The following DNAH8 variants were observed in gnomAD, a reference collection of about 807,000 sequenced individuals.
DNAH8 encodes the protein dynein axonemal heavy chain 8, also known as axonemal beta dynein heavy chain 8.
A neutral mutation model predicts 562.1 loss-of-function variants in DNAH8; 382 were observed. The observed-to-expected ratio is 0.68, with a 90% CI of 0.63 to 0.74. The LOEUF (loss-of-function observed/expected upper bound fraction) is 0.74. Ranked by LOEUF, DNAH8 falls within the 30% of genes least tolerant of loss-of-function variation. DNAH8 has a pLI of 0.00. For missense variants in DNAH8, 5,203 were observed against 5,620.4 expected (o/e 0.93, Z 2.37); for synonymous variants, 1,881 against 1,919.4 (o/e 0.98, Z 0.52).
At position 38,935,624 on chromosome 6, in the gene DNAH8, G is replaced by A. The variant is rs375619692; in HGVS notation, c.11490G>A (p.Glu3830=). 8.6e-5 allele frequency: 138 copies of A among 1,613,012 alleles called. 2 individuals carry two copies. In the East Asian group the frequency reaches 2.1e-3, roughly 25 times the overall value. Residue 3830 remains glutamate, a synonymous_variant, in exon 77 of 93, where the codon GAG becomes GAA. Coordinates refer to ENST00000327475, the MANE Select transcript of DNAH8 (RefSeq NM_001206927.2). ...AGGCTGAGAGGGTTAAACTTTTGGA[G>A]GATGTTACTTTTAATAAGCGGAAGA... ...ELEAERVKLL[E]DVTFNKRKMK...
chr6:38,973,095 G>A (rs558879045), intron 83 of DNAH8, among the ~76,000 whole-genome samples: 2 of 152,282 alleles, frequency 1.3e-5, no homozygotes, highest in East Asian at 3.9e-4. Flanking sequence ...GTTTAAGGTA[G>A]TTTGTTTAAT....
intron 70 of DNAH8, among the ~76,000 whole-genome samples, chr6:38,919,543 G>C (rs946929240): frequency 6.6e-6 from 1 of 152,068 alleles, no homozygotes; most frequent in African/African-American, 2.4e-5. Context: ...TATTTTTCAG[G>C]TTGAATAACT....
At chr6:38,965,043 G>A (rs547848889) in intron 82 of DNAH8, among the ~76,000 whole-genome samples, 4 of 151,064 alleles carry the variant, frequency 2.6e-5, no homozygotes, top group South Asian at 2.1e-4. Context: ...CAGCCTGGGC[G>A]ACAAAGCAAG....
At chr6:38,847,374 G>A (rs968856641) in intron 36 of DNAH8, among the ~76,000 whole-genome samples, 1 of 151,412 alleles carries the variant, frequency 6.6e-6, no homozygotes, top group East Asian at 1.9e-4. Context: ...CTCCCTAAAT[G>A]CCTGCCCATG....
chr6:38,947,566 TC>T (rs1291261176), intron 80 of DNAH8, among the ~76,000 whole-genome samples: 1 of 152,100 alleles, frequency 6.6e-6, no homozygotes, highest in East Asian at 1.9e-4. Flanking sequence ...TCCGCTTTCT[TC>T]CTGTGCCTCA....
rs66765653 is a variant in DNAH8 at position 38,914,392 on chromosome 6, C to CTTTTTTTTTTTTTTTTTTTTTTTTTTT, written c.9963+466_9963+467insTTTTTTTTTTTTTTTTTTTTTTTTTTT. On this transcript the variant is annotated intron_variant, in intron 67 of 92. Transcript: ENST00000327475. ...GGTATATATGTGTGCTGCTTTTTCT[C>CTTTTTTTTTTTTTTTTTTTTTTTTTTT]TTTTTTTTTTTTTTTTTTTTTTTTT... 4.7e-5 allele frequency among the ~76,000 whole-genome samples: 3 copies of CTTTTTTTTTTTTTTTTTTTTTTTTTTT among 63,990 alleles called. 1 individual carries two copies. Among genetic ancestry groups the CTTTTTTTTTTTTTTTTTTTTTTTTTTT allele is most frequent in the Non-Finnish European group, 8.0e-5 (3 of 37,600 alleles). The allele number at this position is 63,990 out of a possible 152,430, so 42.0% of individuals were successfully genotyped here.
chr6:38,900,908 C>G (rs553794308), intron 62 of DNAH8, among the ~76,000 whole-genome samples: 43 of 152,282 alleles, frequency 2.8e-4, no homozygotes, highest in Non-Finnish European at 2.2e-4. Context: ...CGCGCCTGGC[C>G]GATTTTAGCA....
intron 90 of DNAH8, 28 bp from the exon 91 acceptor site, chr6:39,012,420 T>C: frequency 6.2e-7 from 1 of 1,608,986 alleles, no homozygotes; most frequent in Non-Finnish European, 8.5e-7. Context: ...TGTTTCTTAT[T>C]CATGTGTTTT....
At chr6:38,879,673 A>T (rs1213116345) in intron 53 of DNAH8, among the ~76,000 whole-genome samples, 2 of 152,182 alleles carry the variant, frequency 1.3e-5, no homozygotes, top group Non-Finnish European at 2.9e-5. Context: ...TCTCACCTCT[A>T]TTCAATTTCA....
In DNAH8 at chr6:38,822,861, G is replaced by T; in HGVS notation, c.3547G>T (p.Ala1183Ser). The part of the protein sequence containing the change: ...EERSFEEAIP[A>S]RKLKNFYPGV... ...AGGATCTTTTGAAGAAGCTATTCCTGCGAGGAAGCTGAAGAATTTTTACCC... is the reference window on the plus strand; with the variant it reads ...AGGATCTTTTGAAGAAGCTATTCCTTCGAGGAAGCTGAAGAATTTTTACCC... The change falls in exon 27 of 93, where the codon GCG (alanine) becomes TCG (serine). Residue 1183 changes from alanine to serine, a missense_variant. Physicochemically the swap from Ala to Ser is moderately conservative, Grantham distance 99. Around this residue, in one of 6 missense-constraint regions of DNAH8, gnomAD observed 2,176 missense variants for 2,365.1 expected, o/e 0.92. Coordinates refer to ENST00000327475, the MANE Select transcript of DNAH8 (RefSeq NM_001206927.2). 1 of 1,601,398 alleles carries T rather than the reference G, an allele frequency of 6.2e-7. No homozygotes were observed. The highest frequency in any genetic ancestry group is 8.5e-7 in the Non-Finnish European group (1 of 1,176,118).
At position 38,867,815 on chromosome 6, in the gene DNAH8, A is replaced by G. The variant is rs1270459573; in HGVS notation, c.6694-247A>G. ...TTTGTTGCTCAGACTGTATCAGACT[A>G]TATTATTCTCAAAAGATATTTAAGG... On this transcript the variant is annotated intron_variant, in intron 47 of 92. Coordinates refer to ENST00000327475, the MANE Select transcript of DNAH8 (RefSeq NM_001206927.2). 3.3e-5 allele frequency among the ~76,000 whole-genome samples: 5 copies of G among 151,870 alleles called. No individual in the cohort carries two copies. In the East Asian group the frequency reaches 9.6e-4, roughly 29 times the overall value.
In DNAH8 at chr6:38,873,021, C is replaced by T. The variant is rs751933732; in HGVS notation, c.7353C>T (p.Pro2451=). 1.2e-6 allele frequency: 2 copies of T among 1,614,116 alleles called. No homozygotes were observed. The highest frequency in any genetic ancestry group is 1.7e-6 in the Non-Finnish European group (2 of 1,179,998). Reference sequence around the variant, plus strand: ...CGTTAGCTAATGGAGATCGCATTCCCATGGCCCCTAGTTGTAAGCTTCTGT... The same window carrying T: ...CGTTAGCTAATGGAGATCGCATTCCTATGGCCCCTAGTTGTAAGCTTCTGT... ...TLTLANGDRI[P]MAPSCKLLFE... The change falls in exon 51 of 93, where the codon CCC becomes CCT. Residue 2451 remains proline, a synonymous_variant. Transcript: ENST00000327475.
chr6:38,731,815 A>G (rs540117667), intron 4 of DNAH8, among the ~76,000 whole-genome samples: 2 of 152,288 alleles, frequency 1.3e-5, no homozygotes, highest in East Asian at 1.9e-4. Context: ...CCCGGGTTCA[A>G]GTGATTTTCC....
At chr6:38,817,886 G>A (rs1055939110) in intron 26 of DNAH8, among the ~76,000 whole-genome samples, 11 of 152,032 alleles carry the variant, frequency 7.2e-5, no homozygotes, top group Non-Finnish European at 1.5e-4. Context: ...ACAATCCAAT[G>A]CCATAATCTC....
chr6:38,990,040 C>T lies in DNAH8; in HGVS notation c.13082C>T (p.Pro4361Leu), dbSNP rs770419203. ...RVWFSEKMFEPSFCFYTGYKI... is the reference protein window; with the variant it reads ...RVWFSEKMFELSFCFYTGYKI... ...TGGTTCAGTGAGAAGATGTTTGAAC[C>T]GTCATTCTGCTTTTATACTGGATAT... is the stretch of plus-strand genomic sequence containing the variant. Residue 4361 changes from proline (P) to leucine (L), a missense_variant, in exon 88 of 93, where the codon CCG (proline) becomes CTG (leucine). Pro to Leu is a moderately conservative substitution (Grantham distance 98). Coordinates refer to ENST00000327475, the MANE Select transcript of DNAH8 (RefSeq NM_001206927.2). 5.6e-5 allele frequency: 90 copies of T among 1,600,166 alleles called. No individual in the cohort carries two copies. Among genetic ancestry groups the T allele is most frequent in the South Asian group, 1.9e-4 (17 of 90,236 alleles).
intron 87 of DNAH8, among the ~76,000 whole-genome samples, chr6:38,984,818 A>G (rs1272552934): frequency 1.3e-5 from 2 of 152,004 alleles, no homozygotes; most frequent in Admixed American, 6.5e-5. Flanking sequence ...ACAAAAACCA[A>G]CCAACAATCT....
chr6:38,854,272 C>T (rs1283729700), intron 41 of DNAH8, among the ~76,000 whole-genome samples: 1 of 152,106 alleles, frequency 6.6e-6, no homozygotes, highest in Non-Finnish European at 1.5e-5. Flanking sequence ...CCAATGGTTT[C>T]ATTACACTTT....
In DNAH8 at chr6:38,770,511, A is replaced by C; in HGVS notation, c.1716A>C (p.Glu572Asp). Reference sequence around the variant, plus strand: ...GGGAAAAATCTTTTGAGGTTTCAGAAATGTATATATTTGGAAAATTTGAAG... The same window carrying C: ...GGGAAAAATCTTTTGAGGTTTCAGACATGTATATATTTGGAAAATTTGAAG... Reference protein sequence around the residue: ...SSGEKSFEVSEMYIFGKFEAF... With the variant: ...SSGEKSFEVSDMYIFGKFEAF... Residue 572 changes from glutamate (E) to aspartate (D), a missense_variant, in exon 12 of 93, where the codon GAA becomes GAC. Around this residue, in one of 6 missense-constraint regions of DNAH8, gnomAD observed 2,176 missense variants for 2,365.1 expected, o/e 0.92. Transcript: ENST00000327475. 1 of 1,606,702 alleles carries C rather than the reference A, an allele frequency of 6.2e-7. No individual in the cohort carries two copies. Among genetic ancestry groups the C allele is most frequent in the Non-Finnish European group, 8.5e-7 (1 of 1,178,184 alleles).
chr6:38,982,555 G>T, intron 86 of DNAH8, 93 bp downstream of exon 86: 1 of 753,412 alleles, frequency 1.3e-6, no homozygotes, highest in Non-Finnish European at 2.3e-6. Context: ...GTGTGAATTT[G>T]CTGAGCCCCA....
Sources: gnomAD v4.1 joint callset for allele counts (sites outside exome capture counted in the v4.1 genomes callset) on GRCh38, gnomAD v4.1.1 for gene constraint, gnomAD v4.1.1 regional missense constraint, MANE v1.5 for transcripts, NCBI Gene and HGNC (gene_info 2026-07-23, HGNC 2026-07-21) for gene names.